ACSS2: variants seen among roughly 807,000 people sequenced by gnomAD.
ACSS2 encodes acyl-CoA synthetase short chain family member 2.
ACSS2 carries 58 observed loss-of-function variants against 90.6 expected under a neutral mutation model. That is an observed-to-expected ratio of 0.64 (90% CI 0.52 to 0.80). ACSS2 has a LOEUF of 0.80. ACSS2 is among the 30% of genes least tolerant of loss of function. The pLI, the probability that ACSS2 is intolerant of heterozygous loss-of-function variation, is 0.00. For synonymous variants in ACSS2, 300 were observed against 330.9 expected, an observed-to-expected ratio of 0.91 and a Z score of 1.01; for missense variants, 759 against 912.0, an observed-to-expected ratio of 0.83 and a Z score of 2.16.
At chr20:34,925,086 T>A (rs1352632117) in intron 14 of ACSS2, among the ~76,000 whole-genome samples, 5 of 152,212 alleles carry the variant, frequency 3.3e-5, no homozygotes, top group Admixed American at 2.0e-4. Flanking sequence ...TAGGTGAGTA[T>A]ACTATTGGCA....
intron 2 of ACSS2, among the ~76,000 whole-genome samples, chr20:34,888,527 T>C (rs527460919): frequency 1.3e-5 from 2 of 152,318 alleles, no homozygotes; most frequent in East Asian, 3.9e-4. Context: ...ACTAAGAACT[T>C]ATTAAGTGCC....
At chr20:34,895,054 C>A (rs1304899026) in intron 2 of ACSS2, among the ~76,000 whole-genome samples, 1 of 151,988 alleles carries the variant, frequency 6.6e-6, no homozygotes, top group Non-Finnish European at 1.5e-5. Context: ...GGGGGAGGGA[C>A]AAAGTACCAT....
At chr20:34,910,894 C>A (rs2080937986) in intron 2 of ACSS2, among the ~76,000 whole-genome samples, 1 of 152,210 alleles carries the variant, frequency 6.6e-6, no homozygotes, top group African/African-American at 2.4e-5. Flanking sequence ...ATGATTACAG[C>A]TCACTGCAGG....
intron 2 of ACSS2, among the ~76,000 whole-genome samples, chr20:34,900,494 A>G (rs2080629799): frequency 6.6e-6 from 1 of 152,058 alleles, no homozygotes; most frequent in African/African-American, 2.4e-5. Context: ...CCTTTTGAAG[A>G]CTGGCCGGTA....
Position 34,919,469 on chromosome 20 carries a change from A to AT in ACSS2, c.870dup (p.Glu291Ter). On this transcript the variant is annotated frameshift_variant, in exon 8 of 18. Coordinates refer to ENST00000360596, the MANE Select transcript of ACSS2 (RefSeq NM_018677.4). LOFTEE classifies it high-confidence loss of function. ...AACCAAGGGATTGACTTGTGGTGGC[A>AT]TGAGCTCATGCAAGAGGCAGGGGAT... 6.2e-7 allele frequency: 1 copy of AT among 1,613,414 alleles called. No individual in the cohort carries two copies. Among genetic ancestry groups the AT allele is most frequent in the Non-Finnish European group, 8.5e-7 (1 of 1,179,978 alleles).
At chr20:34,881,146 G>A (rs1343783205) in intron 1 of ACSS2, among the ~76,000 whole-genome samples, 1 of 146,868 alleles carries the variant, frequency 6.8e-6, no homozygotes, top group East Asian at 2.0e-4. Flanking sequence ...CCTGCCTCAC[G>A]CTCCTGAGTA....
rs146376566 is a variant in ACSS2, at chr20:34,914,357, C to T, written c.754C>T (p.His252Tyr). The T allele has an allele frequency of 8.7e-6, 14 of 1,613,786 alleles. No individual in the cohort carries two copies. The highest frequency in any genetic ancestry group is 1.1e-5 in the Non-Finnish European group (13 of 1,179,922). ...AGTAAGATGCTGCATTGTGGTCAAGCACCTGGGGCGGGCAGAGCTCGGCAT... is the reference window on the plus strand; with the variant it reads ...AGTAAGATGCTGCATTGTGGTCAAGTACCTGGGGCGGGCAGAGCTCGGCAT... ...FPVRCCIVVK[H>Y]LGRAELGMGD... The change falls in exon 7 of 18, where the codon CAC (histidine) becomes TAC (tyrosine). Residue 252 changes from histidine to tyrosine, a missense_variant. Transcript: ENST00000360596.
intron 2 of ACSS2, among the ~76,000 whole-genome samples, chr20:34,889,683 G>T (rs1268288609): frequency 6.6e-6 from 1 of 152,226 alleles, no homozygotes; most frequent in Non-Finnish European, 1.5e-5. Flanking sequence ...GGAGGCTATT[G>T]TAGAAATCCA....
rs754546126 is a variant in ACSS2 at position 34,923,374 on chromosome 20, G to A, written c.1600G>A (p.Glu534Lys). 6.8e-6 allele frequency: 11 copies of A among 1,614,032 alleles called. No homozygotes were observed. Among genetic ancestry groups the A allele is most frequent in the Non-Finnish European group, 9.3e-6 (11 of 1,180,042 alleles). ...CATGCGCACAGTCTATGGGAACCAC[G>A]AACGCTTTGAGACAACCTACTTTAA... ...GIMRTVYGNHERFETTYFKKF... is the reference protein window; with the variant it reads ...GIMRTVYGNHKRFETTYFKKF... Residue 534 changes from glutamate to lysine, a missense_variant, in exon 14 of 18, where the codon GAA becomes AAA. Glu to Lys is a moderately conservative substitution (Grantham distance 56). Coordinates refer to ENST00000360596, the MANE Select transcript of ACSS2 (RefSeq NM_018677.4).
intron 2 of ACSS2, among the ~76,000 whole-genome samples, chr20:34,901,626 C>T (rs1601327044): frequency 6.6e-6 from 1 of 152,316 alleles, no homozygotes. Flanking sequence ...CTTTATGGAT[C>T]ACAGAACTCT....
intron 2 of ACSS2, among the ~76,000 whole-genome samples, chr20:34,898,484 T>C (rs1445598022): frequency 6.6e-6 from 1 of 152,094 alleles, no homozygotes; most frequent in African/African-American, 2.4e-5. Context: ...AACCCTGAGC[T>C]AGACACAGGG....
chr20:34,917,730 G>A (rs776158704), intron 7 of ACSS2, among the ~76,000 whole-genome samples: 1 of 151,944 alleles, frequency 6.6e-6, no homozygotes, highest in Non-Finnish European at 1.5e-5. Flanking sequence ...TTAAGTTTTT[G>A]TGGGTTTTTT....
At chr20:34,876,315 CT>C (rs2079904795), upstream of ACSS2, 1 of 236,396 alleles carries the variant, frequency 4.2e-6, no homozygotes, top group Non-Finnish European at 8.1e-6. Context: ...CCGCCCCTCC[CT>C]TGGCACTCCA....
intron 1 of ACSS2, 133 bp from the exon 2 acceptor site, chr20:34,882,660 TA>T: frequency 1.4e-6 from 1 of 724,884 alleles, no homozygotes; most frequent in South Asian, 2.0e-5. Context: ...ATTAGACAGG[TA>T]AAGAAGGGAC....
At chr20:34,913,638 G>C in intron 4 of ACSS2, 115 bp from the exon 5 acceptor site, 1 of 1,276,554 alleles carries the variant, frequency 7.8e-7, no homozygotes, top group Non-Finnish European at 1.1e-6. Context: ...TAGTTATTCA[G>C]TTTCTTCTAG....
Position 34,927,103 on chromosome 20 carries a change from A to C in ACSS2, c.1995A>C (p.Arg665=). The C allele has an allele frequency of 1.2e-6, 2 of 1,614,120 alleles. No homozygotes were observed. Among genetic ancestry groups the C allele is most frequent in the Non-Finnish European group, 1.7e-6 (2 of 1,180,014 alleles). ...GTTCCCCAGGGAAAATCATGAGGCG[A>C]GTGCTTCGGAAGATTGCTCAGAATG... ...PKTRSGKIMR[R]VLRKIAQNDH... The change falls in exon 18 of 18, where the codon CGA becomes CGC. Residue 665 remains arginine (R), a synonymous_variant. Transcript: ENST00000360596. This position sits in a 1 kb window ranked among gnomAD's most constrained non-coding sequence, Gnocchi z 4.2.
chr20:34,884,092 T>C (rs906534103), intron 2 of ACSS2, among the ~76,000 whole-genome samples: 1 of 152,152 alleles, frequency 6.6e-6, no homozygotes, highest in African/African-American at 2.4e-5. Context: ...ACTACAGACA[T>C]GCACCACCAC....
chr20:34,898,198 C>T (rs2080513495), intron 2 of ACSS2, among the ~76,000 whole-genome samples: 1 of 152,146 alleles, frequency 6.6e-6, no homozygotes, highest in Admixed American at 6.5e-5. Context: ...AAGAACAAAG[C>T]TTCCACAGTG....
chr20:34,877,071 G>A (rs1220513980), intron 1 of ACSS2, among the ~76,000 whole-genome samples: 1 of 152,194 alleles, frequency 6.6e-6, no homozygotes, highest in African/African-American at 2.4e-5. Flanking sequence ...GCGAGGAGAC[G>A]CGGGATTCCG....
Sources: allele counts gnomAD v4.1 joint callset (sites outside exome capture counted in the v4.1 genomes callset), GRCh38; gene constraint gnomAD v4.1.1; non-coding constraint Gnocchi (gnomAD v3.1); transcripts MANE v1.5; gene names NCBI Gene and HGNC (gene_info 2026-07-23, HGNC 2026-07-21).